The following BAHCC1 variants were observed in gnomAD, a reference collection of about 807,000 sequenced individuals.
BAHCC1 encodes BAH and coiled-coil domain-containing protein 1.
Under a neutral mutation model 88.2 loss-of-function variants are expected in BAHCC1, and 43 were observed. That is an observed-to-expected ratio of 0.49 (90% CI 0.38 to 0.63). The LOEUF is 0.63. Among genes scored for constraint, BAHCC1 ranks in the 20% least tolerant of loss-of-function variants. The probability of loss-of-function intolerance (pLI) is 0.00; values close to 1 mark genes in which losing one functional copy is unlikely to be tolerated. For missense variants in BAHCC1, 3,023 were observed against 1,654.8 expected (o/e 1.83, Z -14.34); for synonymous variants, 1,510 against 745.5 (o/e 2.03, Z -16.71).
chr17:81,415,399 G>A (rs868993971), intron 2 of BAHCC1: 1 of 357,296 alleles, frequency 2.8e-6, no homozygotes, highest in Non-Finnish European at 5.6e-6. Context: ...ACCACGCCTT[G>A]AGACACAGAG....
At chr17:81,436,881 G>A (rs2064344699) in intron 3 of BAHCC1, among the ~76,000 whole-genome samples, 1 of 151,206 alleles carries the variant, frequency 6.6e-6, no homozygotes, top group South Asian at 2.1e-4. Flanking sequence ...ACTTCCCAGG[G>A]CCTTCCCTGT....
chr17:81,446,588 G>T (rs947497852), intron 10 of BAHCC1: 2 of 149,664 alleles, frequency 1.3e-5, no homozygotes, highest in African/African-American at 6.4e-5. Flanking sequence ...TCCCTATGTC[G>T]CCCAGTCTGG....
chr17:81,463,307 A>G (rs1598520385), intron 27 of BAHCC1, among the ~76,000 whole-genome samples: 1 of 152,042 alleles, frequency 6.6e-6, no homozygotes, highest in East Asian at 1.9e-4. Flanking sequence ...CACTCAGCAC[A>G]CCCTCTGCTC....
At position 81,458,173 on chromosome 17, in the gene BAHCC1, C is replaced by T. The variant is rs782788168; in HGVS notation, c.5050C>T (p.Arg1684Cys). The T allele has an allele frequency of 8.5e-5, 61 of 719,062 alleles. No individual in the cohort carries two copies. The highest frequency in any genetic ancestry group is 7.8e-4 in the South Asian group (53 of 67,720). 44.5% of individuals were successfully genotyped at this position (719,062 alleles called of 1,614,324 possible). ...TCCTCTCCTTCCCACAGGGGCCTGC[C>T]GCCTGTCCAGCCCTGAGAGTGAGGT... Reference protein sequence around the residue: ...KERQGLLGACRLSSPESEVKI... With the variant: ...KERQGLLGACCLSSPESEVKI... The change falls in exon 18 of 28, where the codon CGC becomes TGC. Residue 1684 changes from arginine to cysteine, a missense_variant. Coordinates refer to ENST00000675386, the MANE Select transcript of BAHCC1 (RefSeq NM_001377448.1).
Position 81,399,743 on chromosome 17 carries a change from G to A in BAHCC1, c.4G>A (p.Asp2Asn). 1 of 1,147,720 alleles carries A rather than the reference G, an allele frequency of 8.7e-7. No homozygotes were observed. 71.1% of individuals were successfully genotyped at this position (1,147,720 alleles called of 1,614,324 possible). A position where few individuals can be genotyped will look rare whatever the true frequency, so the allele number is the denominator to read the frequency against. The change falls in exon 2 of 28, where the codon GAT becomes AAT. Residue 2 changes from aspartate (D) to asparagine (N), a missense_variant. By Grantham distance (23) the Asp-to-Asn change is conservative (BLOSUM62 1). Coordinates refer to ENST00000675386, the MANE Select transcript of BAHCC1 (RefSeq NM_001377448.1). The surrounding 1 kb of genome is among the most constrained non-coding windows in gnomAD (Gnocchi z 4.5). ...CGGACCGGGGCCGGGGCCCGGCATG[G>A]ATGGCCGCGACTTTGCGCCGCCGCC... M[D>N]GRDFAPPPHL...
intron 13 of BAHCC1, among the ~76,000 whole-genome samples, chr17:81,452,406 AGGG>A (rs2064657158): frequency 2.1e-5 from 2 of 94,736 alleles, no homozygotes; most frequent in African/African-American, 8.6e-5. Flanking sequence ...CAGTGGCAGA[AGGG>A]GGAGTAGGGA....
intron 3 of BAHCC1, among the ~76,000 whole-genome samples, chr17:81,429,559 T>C (rs1360454811): frequency 6.6e-6 from 1 of 151,572 alleles, no homozygotes; most frequent in Non-Finnish European, 1.5e-5. Flanking sequence ...TGGCTCCCCG[T>C]GCGCCGGGCC....
At position 81,402,275 on chromosome 17, in the gene BAHCC1, C is replaced by T. The variant is rs556367867; in HGVS notation, c.178+2358C>T. ...TGGGCAACTTGGTCATGCAGACATC[C>T]AGCTAGAAGCATCTGTAGCTGAAAG... is the stretch of plus-strand genomic sequence containing the variant. On this transcript the variant is annotated intron_variant, in intron 2 of 27. Coordinates refer to ENST00000675386, the MANE Select transcript of BAHCC1 (RefSeq NM_001377448.1). 10 of 152,326 alleles carry T rather than the reference C, an allele frequency of 6.6e-5. No homozygotes were observed. The South Asian group carries it at 8.3e-4, about 13-fold the overall frequency. The allele number at this position is 152,326 out of a possible 1,614,324, so 9.4% of individuals were successfully genotyped here. A position where few individuals can be genotyped will look rare whatever the true frequency, so the allele number is the denominator to read the frequency against.
intron 2 of BAHCC1, among the ~76,000 whole-genome samples, chr17:81,418,848 ACAT>A (rs2064077055): frequency 1.0e-5 from 1 of 96,736 alleles, no homozygotes; most frequent in Non-Finnish European, 2.3e-5. Context: ...CTCATCCCAG[ACAT>A]GTAGCACAGT....
intron 3 of BAHCC1, among the ~76,000 whole-genome samples, chr17:81,427,826 A>G (rs1054190428): frequency 2.0e-5 from 3 of 152,316 alleles, no homozygotes; most frequent in Middle Eastern, 3.4e-3. Context: ...TAACTCAATG[A>G]CTGCTGAGCG....
chr17:81,463,395 C>T (rs1158882016), intron 27 of BAHCC1, among the ~76,000 whole-genome samples: 2 of 152,220 alleles, frequency 1.3e-5, no homozygotes, highest in Non-Finnish European at 2.9e-5. Flanking sequence ...CTGACTCCGA[C>T]AGCCCCCAGA....
Position 81,456,414 on chromosome 17 carries a change from T to A in BAHCC1, c.4687T>A (p.Ser1563Thr). The change falls in exon 16 of 28, where the codon TCT (serine) becomes ACT (threonine). Residue 1563 changes from serine (S) to threonine (T), a missense_variant. Physicochemically the swap from Ser to Thr is moderately conservative, Grantham distance 58 (BLOSUM62 1). Coordinates refer to ENST00000675386, the MANE Select transcript of BAHCC1 (RefSeq NM_001377448.1). ...CAAAGGGCTGCCCACAGGCCTCAGC[T>A]CTTTCCAGCAGAAGGAGGCTACCCC... ...KSKGLPTGLS[S>T]FQQKEATPGG... The A allele has an allele frequency of 1.4e-6, 1 of 722,178 alleles. No individual in the cohort carries two copies. Among genetic ancestry groups the A allele is most frequent in the South Asian group, 1.5e-5 (1 of 67,832 alleles). The allele number at this position is 722,178 out of a possible 1,614,324, so 44.7% of individuals were successfully genotyped here. A position where few individuals can be genotyped will look rare whatever the true frequency, so the allele number is the denominator to read the frequency against.
intron 2 of BAHCC1, among the ~76,000 whole-genome samples, chr17:81,410,515 C>T (rs2063936455): frequency 6.6e-6 from 1 of 152,244 alleles, no homozygotes; most frequent in Non-Finnish European, 1.5e-5. Flanking sequence ...TGGACGCCCA[C>T]CCTCCAGCAT....
Position 81,461,393 on chromosome 17 carries a change from C to T in BAHCC1, c.6730C>T (p.Pro2244Ser), listed in dbSNP as rs782358258. 6.9e-6 allele frequency: 5 copies of T among 723,432 alleles called. No individual in the cohort carries two copies. The African/African-American group carries it at 8.6e-5, about 12-fold the overall frequency. The allele number at this position is 723,432 out of a possible 1,614,324, so 44.8% of individuals were successfully genotyped here. A position where few individuals can be genotyped will look rare whatever the true frequency, so the allele number is the denominator to read the frequency against. ...SPKLGRPLPS[P>S]SYVHPALVGK... ...CAAGCTCGGGCGGCCCCTGCCCAGC[C>T]CCAGCTATGTGCACCCGGCCCTTGT... The change falls in exon 26 of 28, where the codon CCC becomes TCC. Residue 2244 changes from proline (P) to serine (S), a missense_variant. Coordinates refer to ENST00000675386, the MANE Select transcript of BAHCC1 (RefSeq NM_001377448.1).
chr17:81,416,262 G>A (rs1203426904), intron 2 of BAHCC1, among the ~76,000 whole-genome samples: 2 of 149,136 alleles, frequency 1.3e-5, no homozygotes, highest in Non-Finnish European at 3.0e-5. Flanking sequence ...ACGTGTGTGT[G>A]TCCATGAGGG....
intron 3 of BAHCC1, among the ~76,000 whole-genome samples, chr17:81,432,724 T>G (rs2064279432): frequency 1.9e-4 from 2 of 10,400 alleles, no homozygotes; most frequent in African/African-American, 5.6e-4. Context: ...CTCCCCGCCA[T>G]CCCCAGACCC....
In BAHCC1 at chr17:81,461,448, TCCC is replaced by T; in HGVS notation, c.6789_6791del (p.Pro2264del). On this transcript the variant is annotated inframe_deletion, in exon 26 of 28. Transcript: ENST00000675386. Reference sequence around the variant, plus strand: ...AAGGACAAGAAGGGGCGGGCACCCATCCCCCCGCTGCCCATGGGGCTGGCGCTG... The same window carrying T: ...AAGGACAAGAAGGGGCGGGCACCCATCCCGCTGCCCATGGGGCTGGCGCTG... 1 of 738,696 alleles carries T rather than the reference TCCC, an allele frequency of 1.4e-6. No individual in the cohort carries two copies. The allele number at this position is 738,696 out of a possible 1,614,324, so 45.8% of individuals were successfully genotyped here.
Position 81,435,785 on chromosome 17 carries a change from G to A in BAHCC1, c.359-2585G>A, listed in dbSNP as rs1469965480. On this transcript the variant is annotated intron_variant, in intron 3 of 27. Coordinates refer to ENST00000675386, the MANE Select transcript of BAHCC1 (RefSeq NM_001377448.1). The surrounding 1 kb of genome is among the most constrained non-coding windows in gnomAD (Gnocchi z 4.4). ...CTTCCAGGATGCCTGTGTGTCCCCG[G>A]CCCGGCCGCAGCAGCCCTGCCTTCC... 6.6e-6 allele frequency among the ~76,000 whole-genome samples: 1 copy of A among 151,108 alleles called. No homozygotes were observed.
At position 81,463,988 on chromosome 17, in the gene BAHCC1, G is replaced by GAGCGCTCCAGGTGTC; in HGVS notation, c.*172_*186dup. The GAGCGCTCCAGGTGTC allele has an allele frequency of 1.6e-6, 1 of 610,444 alleles. No individual in the cohort carries two copies. The allele number at this position is 610,444 out of a possible 1,614,324, so 37.8% of individuals were successfully genotyped here. A position where few individuals can be genotyped will look rare whatever the true frequency, so the allele number is the denominator to read the frequency against. On this transcript the variant is annotated 3_prime_UTR_variant, in exon 28 of 28. Transcript: ENST00000675386. ...GCTTTCTTACGGTTTTCCCTGGAAAGAGCGCTCCAGGTGTCGGAATCCAGT... is the reference window on the plus strand; with the variant it reads ...GCTTTCTTACGGTTTTCCCTGGAAAGAGCGCTCCAGGTGTCAGCGCTCCAGGTGTCGGAATCCAGT...
Sources: gnomAD v4.1 joint callset for allele counts (sites outside exome capture counted in the v4.1 genomes callset) on GRCh38, gnomAD v4.1.1 for gene constraint, Gnocchi (gnomAD v3.1) non-coding constraint, MANE v1.5 for transcripts, NCBI Gene and HGNC (gene_info 2026-07-23, HGNC 2026-07-21) for gene names.